NGEF: variants seen among roughly 807,000 people sequenced by gnomAD.
The protein encoded by NGEF is neuronal guanine nucleotide exchange factor, also known as ephexin-1.
NGEF carries 31 observed loss-of-function variants against 80.9 expected under a neutral mutation model. That is an observed-to-expected ratio of 0.38 (90% CI 0.29 to 0.52). The LOEUF (loss-of-function observed/expected upper bound fraction) is 0.52, where lower values mean the gene tolerates loss of function less well. NGEF is among the 20% of genes least tolerant of loss of function. The pLI, the probability that NGEF is intolerant of heterozygous loss-of-function variation, is 0.84. For synonymous variants in NGEF, 371 were observed against 370.2 expected, an observed-to-expected ratio of 1.00 and a Z score of -0.03; for missense variants, 709 against 926.2, an observed-to-expected ratio of 0.77 and a Z score of 3.04.
intron 1 of NGEF, among the ~76,000 whole-genome samples, chr2:232,995,055 T>C (rs569242944): frequency 3.6e-4 from 29 of 81,446 alleles, no homozygotes; most frequent in African/African-American, 1.3e-3. Flanking sequence ...ATACTGTATA[T>C]ATGTACAGTA....
At chr2:232,900,274 TCACA>T (rs61726497) in intron 5 of NGEF, among the ~76,000 whole-genome samples, 3 of 87,292 alleles carry the variant, frequency 3.4e-5, no homozygotes, top group African/African-American at 8.2e-5. Flanking sequence ...TCACTCACAT[TCACA>T]CACACACGCT....
chr2:232,937,920 G>C (rs1693360812), intron 3 of NGEF, among the ~76,000 whole-genome samples: 1 of 152,170 alleles, frequency 6.6e-6, no homozygotes, highest in Non-Finnish European at 1.5e-5. Context: ...ATCAAAACTG[G>C]ATTCGGTGTT....
chr2:232,961,550 T>C (rs1693952161), intron 3 of NGEF, among the ~76,000 whole-genome samples: 1 of 152,188 alleles, frequency 6.6e-6, no homozygotes, highest in African/African-American at 2.4e-5. Flanking sequence ...TGGAGTGCAG[T>C]GGCGCGATCT....
intron 5 of NGEF, among the ~76,000 whole-genome samples, chr2:232,905,492 T>A (rs986480857): frequency 1.3e-5 from 2 of 152,196 alleles, no homozygotes; most frequent in South Asian, 2.1e-4. Context: ...CCCCCCAAAG[T>A]GCGGAGATTG....
intron 3 of NGEF, among the ~76,000 whole-genome samples, chr2:232,969,451 T>TTCCC (rs1559228936): frequency 4.0e-5 from 1 of 24,966 alleles, no homozygotes; most frequent in African/African-American, 2.8e-4. Context: ...CTCCCTCCCC[T>TTCCC]TCCTTCCTTC....
At chr2:232,891,246 G>A in intron 8 of NGEF, 112 bp downstream of exon 8, 1 of 1,375,308 alleles carries the variant, frequency 7.3e-7, no homozygotes, top group Non-Finnish European at 1.0e-6. Flanking sequence ...CACATGGGAG[G>A]AGCTTAGTAT....
chr2:232,993,168 A>T (rs13022816), intron 1 of NGEF, among the ~76,000 whole-genome samples: 59 of 84,770 alleles, frequency 7.0e-4, no homozygotes, highest in African/African-American at 2.9e-3. Context: ...TATATATATT[A>T]TATATATAAA....
intron 1 of NGEF, among the ~76,000 whole-genome samples, chr2:232,997,279 A>G (rs1402098315): frequency 6.6e-6 from 1 of 152,188 alleles, no homozygotes; most frequent in Non-Finnish European, 1.5e-5. Context: ...ACTGGGGTAC[A>G]CACCGTGAGA....
intron 1 of NGEF, among the ~76,000 whole-genome samples, chr2:232,997,370 A>AG (rs1171608124): frequency 1.3e-5 from 2 of 152,090 alleles, no homozygotes; most frequent in African/African-American, 4.8e-5. Context: ...CACGCCTCAC[A>AG]GGGGTTGGAG....
At chr2:232,882,326 G>T in intron 12 of NGEF, 61 bp from the exon 13 acceptor site, 1 of 1,450,686 alleles carries the variant, frequency 6.9e-7, no homozygotes, top group African/African-American at 1.4e-5. Context: ...CCAACGTGTG[G>T]CACGAGGCTT....
intron 5 of NGEF, among the ~76,000 whole-genome samples, chr2:232,901,855 G>A (rs902609406): frequency 2.6e-5 from 4 of 152,218 alleles, no homozygotes; most frequent in African/African-American, 9.6e-5. Flanking sequence ...TGGGGACGTC[G>A]CCGTGACACC....
Position 232,892,816 on chromosome 2 carries a change from G to A in NGEF, c.1142+82C>T, listed in dbSNP as rs376941760. Reference sequence around the variant, plus strand: ...AGGTAAAGGACCATGAAGTGTCACCGTGTAAGGAGCCTGGGCCAGCACTGG... The same window carrying A: ...AGGTAAAGGACCATGAAGTGTCACCATGTAAGGAGCCTGGGCCAGCACTGG... On this transcript the variant is annotated intron_variant, in intron 7 of 14. Transcript: ENST00000264051. This position sits in a 1 kb window ranked among gnomAD's most constrained non-coding sequence, Gnocchi z 4.0. The A allele has an allele frequency of 1.7e-4, 254 of 1,452,616 alleles. No individual in the cohort carries two copies. The African/African-American group carries it at 2.9e-3, about 17-fold the overall frequency. The allele number at this position is 1,452,616 out of a possible 1,614,324, so 90.0% of individuals were successfully genotyped here. A position where few individuals can be genotyped will look rare whatever the true frequency, so the allele number is the denominator to read the frequency against.
At chr2:232,993,177 A>ATATAATATATTTATATATATAT (rs1694700031) in intron 1 of NGEF, among the ~76,000 whole-genome samples, 1 of 132,706 alleles carries the variant, frequency 7.5e-6, no homozygotes, top group African/African-American at 2.9e-5. Context: ...TATATATATA[A>ATATAATATATTTATATATATAT]ATAAATATAT....
chr2:232,899,747 T>A (rs60462237), intron 5 of NGEF, among the ~76,000 whole-genome samples: 1 of 98,360 alleles, frequency 1.0e-5, no homozygotes, highest in Non-Finnish European at 2.0e-5. Context: ...CACATTCACT[T>A]ACACACGTGC....
intron 1 of NGEF, among the ~76,000 whole-genome samples, chr2:233,001,246 C>T (rs1300682668): frequency 6.6e-6 from 1 of 152,228 alleles, no homozygotes; most frequent in Non-Finnish European, 1.5e-5. Flanking sequence ...TGAGACAGAC[C>T]TCTCGCTCAG....
chr2:232,885,215 T>C, intron 10 of NGEF, 65 bp downstream of exon 10: 1 of 1,445,190 alleles, frequency 6.9e-7, no homozygotes, highest in Non-Finnish European at 9.7e-7. Flanking sequence ...CGGTGATCTG[T>C]GCCTCTGGGG....
Position 232,903,698 on chromosome 2 carries a change from G to C in NGEF, c.829-8782C>G, listed in dbSNP as rs546498659. Among the ~76,000 whole-genome samples the C allele has an allele frequency of 1.1e-4, 17 of 152,270 alleles. No individual in the cohort carries two copies. In the East Asian group the frequency reaches 3.1e-3, roughly 28 times the overall value. On this transcript the variant is annotated intron_variant, in intron 5 of 14. Transcript: ENST00000264051. ...AGGTAATGGCCACGTCCACCTCAAA[G>C]CATCAAGAAAAACTCCCTGCCGTCT... is the stretch of plus-strand genomic sequence containing the variant.
At chr2:232,932,759 T>C (rs530992944) in intron 3 of NGEF, among the ~76,000 whole-genome samples, 136 of 152,186 alleles carry the variant, frequency 8.9e-4, no homozygotes, top group Middle Eastern at 3.4e-3. Context: ...TGACTCCTTG[T>C]ATCCTCATGC....
chr2:232,937,618 G>A (rs956793823), intron 3 of NGEF, among the ~76,000 whole-genome samples: 2 of 152,182 alleles, frequency 1.3e-5, no homozygotes, highest in Non-Finnish European at 2.9e-5. Context: ...ATTGATCTCT[G>A]CATCCTCAGC....
Sources: allele counts gnomAD v4.1 joint callset (sites outside exome capture counted in the v4.1 genomes callset), GRCh38; gene constraint gnomAD v4.1.1; non-coding constraint Gnocchi (gnomAD v3.1); transcripts MANE v1.5; gene names NCBI Gene and HGNC (gene_info 2026-07-23, HGNC 2026-07-21).